Variants in ARRDC2 observed in about 807,000 individuals in gnomAD.
ARRDC2 encodes arrestin domain containing 2.
In ARRDC2, 39 loss-of-function variants were observed where a neutral mutation model predicts 38.9. The observed-to-expected ratio is 1.00, with a 90% CI of 0.78 to 1.31. ARRDC2 has a LOEUF of 1.31. Ranked by LOEUF, ARRDC2 falls within the 50% of genes most tolerant of loss-of-function variation. ARRDC2 has a pLI of 0.00. For missense variants in ARRDC2, 553 were observed against 588.4 expected, an observed-to-expected ratio of 0.94 and a Z score of 0.62; for synonymous variants, 300 against 261.9, an observed-to-expected ratio of 1.15 and a Z score of -1.41.
At chr19:18,010,159 C>G in intron 5 of ARRDC2, 37 bp from the exon 6 acceptor site, 1 of 1,606,792 alleles carries the variant, frequency 6.2e-7, no homozygotes, top group African/African-American at 1.3e-5. Flanking sequence ...GTTGGGGAGG[C>G]TGCCTGGGCA....
rs1287791087 is a variant in ARRDC2, at chr19:18,008,338, T to G, written c.28T>G (p.Ser10Ala). MLFDKVKAF[S>A]VQLDGATAGV... The stretch of plus-strand genomic sequence containing the variant: ...GCTATTCGACAAGGTGAAAGCGTTC[T>G]CGGTGCAGTTGGACGGCGCGACCGC... Residue 10 changes from serine (S) to alanine (A), a missense_variant, in exon 1 of 8, where the codon TCG becomes GCG. Ser to Ala is a moderately conservative substitution (Grantham distance 99, BLOSUM62 1). Coordinates refer to ENST00000222250, the MANE Select transcript of ARRDC2 (RefSeq NM_015683.2). The G allele has an allele frequency of 3.1e-6, 5 of 1,596,858 alleles. No homozygotes were observed. The highest frequency in any genetic ancestry group is 4.2e-6 in the Non-Finnish European group (5 of 1,178,994).
Position 18,009,966 on chromosome 19 carries a change from G to A in ARRDC2, c.776G>A (p.Arg259Gln), listed in dbSNP as rs764481276. 4.2e-5 allele frequency: 67 copies of A among 1,603,452 alleles called. No homozygotes were observed. The highest frequency in any genetic ancestry group is 1.2e-4 in the South Asian group (11 of 91,046). Reference protein sequence around the residue: ...GPGQRALWQGRALRIPPVGPS... With the variant: ...GPGQRALWQGQALRIPPVGPS... ...GGGCAGCGGGCGCTGTGGCAGGGCC[G>A]GGCACTGCGGATCCCCCCAGTGGGT... is the stretch of plus-strand genomic sequence containing the variant. The change falls in exon 5 of 8, where the codon CGG (arginine) becomes CAG (glutamine). Residue 259 changes from arginine to glutamine, a missense_variant. Around this residue, in one of 3 missense-constraint regions of ARRDC2, gnomAD observed 447 missense variants for 456.6 expected, o/e 0.98. Coordinates refer to ENST00000222250, the MANE Select transcript of ARRDC2 (RefSeq NM_015683.2).
chr19:18,001,397 G>A (rs2033182799), exon 1 of ARRDC2: 1 of 1,217,230 alleles, frequency 8.2e-7, no homozygotes, highest in South Asian at 4.1e-5. Flanking sequence ...GAGCGGCTGT[G>A]CGGCCGGGTG....
upstream of ARRDC2, among the ~76,000 whole-genome samples, chr19:18,006,209 A>C (rs990081420): frequency 2.6e-5 from 4 of 151,498 alleles, no homozygotes; most frequent in African/African-American, 9.7e-5. Flanking sequence ...GACGCTCCTC[A>C]CTTCCCAGAC....
upstream of ARRDC2, among the ~76,000 whole-genome samples, chr19:18,006,383 G>A (rs2033278255): frequency 6.6e-6 from 1 of 152,208 alleles, no homozygotes; most frequent in African/African-American, 2.4e-5. Flanking sequence ...CCGGCACCTC[G>A]GGAGGCTGAG....
chr19:18,006,034 C>G (rs1462469043), upstream of ARRDC2, among the ~76,000 whole-genome samples: 1 of 151,168 alleles, frequency 6.6e-6, no homozygotes, highest in Non-Finnish European at 1.5e-5. Flanking sequence ...CGATGGGCGG[C>G]CGGGCAGAGA....
In ARRDC2 at chr19:18,008,827, A is replaced by G. The variant is rs754788726; in HGVS notation, c.341+50A>G. The G allele has an allele frequency of 6.9e-6, 11 of 1,605,206 alleles. No homozygotes were observed. In the South Asian group the frequency reaches 7.7e-5, roughly 11 times the overall value. On this transcript the variant is annotated intron_variant, in intron 2 of 7. Coordinates refer to ENST00000222250, the MANE Select transcript of ARRDC2 (RefSeq NM_015683.2). Reference sequence around the variant, plus strand: ...GCCCTAAGCCTGCAGCCCCTTCCAGATTGGTACCTCCAATACTGGATATCT... The same window carrying G: ...GCCCTAAGCCTGCAGCCCCTTCCAGGTTGGTACCTCCAATACTGGATATCT...
upstream of ARRDC2, among the ~76,000 whole-genome samples, chr19:18,006,485 GGC>G (rs1310969246): frequency 6.6e-6 from 1 of 152,182 alleles, no homozygotes; most frequent in East Asian, 1.9e-4. Context: ...CAGGCGTGGC[GGC>G]GCGCGCCTGC....
At chr19:18,011,787 A>G (rs1381416865) in intron 7 of ARRDC2, among the ~76,000 whole-genome samples, 1 of 151,714 alleles carries the variant, frequency 6.6e-6, no homozygotes, top group East Asian at 1.9e-4. Flanking sequence ...TGAGCCCAGG[A>G]GTTTGAGGCT....
At chr19:18,009,404 CA>C in intron 3 of ARRDC2, 187 bp from the exon 4 acceptor site, 2 of 638,400 alleles carry the variant, frequency 3.1e-6, no homozygotes, top group Non-Finnish European at 5.4e-6. Context: ...TTGGCTTATA[CA>C]TTTCATTTCT....
At chr19:18,010,385 G>A in intron 6 of ARRDC2, 27 bp downstream of exon 6, 1 of 1,598,168 alleles carries the variant, frequency 6.3e-7, no homozygotes, top group Non-Finnish European at 8.5e-7. Flanking sequence ...CTTGCATGCA[G>A]AGGGTGGGTG....
upstream of ARRDC2, chr19:18,008,126 C>G (rs542911189): frequency 0.028 from 25,078 of 907,650 alleles, 907 homozygotes; most frequent in Middle Eastern, 0.043. Context: ...ACCCCACCCC[C>G]CCCCGCCCTG....
chr19:18,011,221 C>A (rs893564170), intron 7 of ARRDC2, among the ~76,000 whole-genome samples: 1 of 152,160 alleles, frequency 6.6e-6, no homozygotes, highest in Non-Finnish European at 1.5e-5. Flanking sequence ...TGGTCTTGAA[C>A]TCCTGACCTC....
chr19:18,002,223 C>T (rs994871714), intron 1 of ARRDC2, among the ~76,000 whole-genome samples: 11 of 152,208 alleles, frequency 7.2e-5, no homozygotes, highest in Non-Finnish European at 1.2e-4. Context: ...GCGCTGAGTT[C>T]TTCCCTGGGG....
chr19:18,005,797 G>C (rs1385410667), upstream of ARRDC2, among the ~76,000 whole-genome samples: 1 of 152,106 alleles, frequency 6.6e-6, no homozygotes, highest in Non-Finnish European at 1.5e-5. Context: ...GGACGGGGTG[G>C]CTGCCGGGCG....
rs369910146 is a variant in ARRDC2 at position 18,008,743 on chromosome 19, C to A, written c.307C>A (p.Arg103Ser). 4.3e-6 allele frequency: 7 copies of A among 1,613,452 alleles called. No individual in the cohort carries two copies. In the African/African-American group the frequency reaches 5.3e-5, roughly 12 times the overall value. The change falls in exon 2 of 8, where the codon CGC (arginine) becomes AGC (serine). Residue 103 changes from arginine (R) to serine (S), a missense_variant. Arg to Ser is a moderately radical substitution (Grantham distance 110). Transcript: ENST00000222250. ...GGAGACCACGACGCTGCCTCCTGGG[C>A]GCCATGAGTTCCTGTTCAGCTTCCA... The part of the protein sequence containing the change: ...TGETTTLPPG[R>S]HEFLFSFQLP...
At chr19:18,001,404 G>C in exon 1 of ARRDC2, 1 of 1,221,460 alleles carries the variant, frequency 8.2e-7, no homozygotes, top group Non-Finnish European at 1.0e-6. Flanking sequence ...TGTGCGGCCG[G>C]GTGCTGCTGG....
rs2033393387 is a variant in ARRDC2 at position 18,010,652 on chromosome 19, C to A, written c.1093C>A (p.Pro365Thr). The change falls in exon 7 of 8, where the codon CCC (proline) becomes ACC (threonine). Residue 365 changes from proline (P) to threonine (T), a missense_variant. Physicochemically the swap from Pro to Thr is conservative, Grantham distance 38. Around this residue, in one of 3 missense-constraint regions of ARRDC2, gnomAD observed 100 missense variants for 107.6 expected, o/e 0.93. Transcript: ENST00000222250. ...GAGCCCCTTCCCGCTTCCGCAGGAC[C>A]CCGACATGAGCCTTGAAGGCCCGTT... The part of the protein sequence containing the change: ...GQSPFPLPQD[P>T]DMSLEGPFFA... The A allele has an allele frequency of 6.2e-7, 1 of 1,613,760 alleles. No individual in the cohort carries two copies. The highest frequency in any genetic ancestry group is 1.1e-5 in the South Asian group (1 of 91,080).
Position 18,009,901 on chromosome 19 carries a change from G to C in ARRDC2, c.711G>C (p.Arg237=). The part of the protein sequence containing the change: ...FMARGARKQK[R]AVVASLAGEP... ...CCCGAGGCGCCCGAAAGCAGAAACG[G>C]GCAGTGGTGGCCAGCCTCGCGGGCG... The change falls in exon 5 of 8, where the codon CGG becomes CGC. Residue 237 remains arginine, a synonymous_variant. Transcript: ENST00000222250. The C allele has an allele frequency of 6.2e-7, 1 of 1,609,500 alleles. No homozygotes were observed. The highest frequency in any genetic ancestry group is 8.5e-7 in the Non-Finnish European group (1 of 1,179,518).
Sources: gnomAD v4.1 joint callset for allele counts (sites outside exome capture counted in the v4.1 genomes callset) on GRCh38, gnomAD v4.1.1 for gene constraint, gnomAD v4.1.1 regional missense constraint, MANE v1.5 for transcripts, NCBI Gene and HGNC (gene_info 2026-07-23, HGNC 2026-07-21) for gene names.